SPARC: variants seen among roughly 807,000 people sequenced by gnomAD.
The protein encoded by SPARC is basement-membrane protein 40.
SPARC carries 23 observed loss-of-function variants against 37.7 expected under a neutral mutation model. That is an observed-to-expected ratio of 0.61 (90% confidence interval 0.44 to 0.87). SPARC has a LOEUF of 0.87. SPARC is among the 40% of genes least tolerant of loss of function. The pLI is 0.00. For missense variants in SPARC, 312 were observed against 389.0 expected, an observed-to-expected ratio of 0.80 and a Z score of 1.66; for synonymous variants, 155 against 150.8, an observed-to-expected ratio of 1.03 and a Z score of -0.20.
intron 1 of SPARC, among the ~76,000 whole-genome samples, chr5:151,684,429 T>TTTC (rs1011686153): frequency 6.6e-6 from 1 of 151,712 alleles, no homozygotes; most frequent in Non-Finnish European, 1.5e-5. Flanking sequence ...TTTTTTTTTT[T>TTTC]TTCACCCTTG....
chr5:151,681,684 C>A (rs1471712080), intron 1 of SPARC, among the ~76,000 whole-genome samples: 2 of 152,104 alleles, frequency 1.3e-5, no homozygotes, highest in African/African-American at 4.8e-5. Flanking sequence ...CTGAGGTCAG[C>A]AGTTCGAGAC....
intron 5 of SPARC, 127 bp downstream of exon 5, chr5:151,671,446 T>A: frequency 8.7e-7 from 1 of 1,153,458 alleles, no homozygotes; most frequent in Non-Finnish European, 1.2e-6. Context: ...TGGGACTAGG[T>A]CTAGCAAGGG....
intron 1 of SPARC, among the ~76,000 whole-genome samples, chr5:151,683,116 G>A (rs1581532984): frequency 1.3e-5 from 2 of 152,212 alleles, no homozygotes; most frequent in Admixed American, 6.5e-5. Flanking sequence ...AGGGAGGGAG[G>A]CATCAGGGTC....
At chr5:151,664,036 T>A (rs1259253621) in intron 9 of SPARC, 51 bp downstream of exon 9, 1 of 1,610,446 alleles carries the variant, frequency 6.2e-7, no homozygotes, top group Non-Finnish European at 8.5e-7. Context: ...CCCAGCACCC[T>A]GGGAGCAGTG....
chr5:151,677,992 CT>C (rs902357658), intron 1 of SPARC, among the ~76,000 whole-genome samples: 1 of 152,132 alleles, frequency 6.6e-6, no homozygotes, highest in African/African-American at 2.4e-5. Flanking sequence ...AAAAATCTCC[CT>C]TCTTGCTTCC....
chr5:151,668,678 G>C (rs1448041331), intron 6 of SPARC, among the ~76,000 whole-genome samples: 1 of 152,024 alleles, frequency 6.6e-6, no homozygotes, highest in Middle Eastern at 3.2e-3. Context: ...AAAAACCTTA[G>C]GAGTTGAAGT....
At position 151,671,264 on chromosome 5, in the gene SPARC, T is replaced by C. The variant is rs730196; in HGVS notation, c.330+309A>G. ...ATGAGGTTTGAAGTCAACCTTCAGT[T>C]TGGCCCCAGAACCCGTATTTTTGGA... On this transcript the variant is annotated intron_variant, in intron 5 of 9. Coordinates refer to ENST00000231061, the MANE Select transcript of SPARC (RefSeq NM_003118.4). Among the ~76,000 whole-genome samples, 3 of 152,178 alleles carry C rather than the reference T, an allele frequency of 2.0e-5. No individual in the cohort carries two copies. The East Asian group carries it at 5.8e-4, about 29-fold the overall frequency.
chr5:151,671,314 T>C (rs1054945545), intron 5 of SPARC, among the ~76,000 whole-genome samples: 1 of 152,184 alleles, frequency 6.6e-6, no homozygotes, highest in Non-Finnish European at 1.5e-5. Context: ...GATGCTGTTA[T>C]ACTCTTAGCT....
intron 1 of SPARC, among the ~76,000 whole-genome samples, chr5:151,677,803 C>T (rs933871785): frequency 2.0e-5 from 3 of 152,132 alleles, no homozygotes; most frequent in Non-Finnish European, 4.4e-5. Context: ...CACAAAACCT[C>T]ACCCCCTATT....
At chr5:151,672,358 T>C (rs531012678) in intron 4 of SPARC, among the ~76,000 whole-genome samples, 1 of 152,238 alleles carries the variant, frequency 6.6e-6, no homozygotes, top group African/African-American at 2.4e-5. Context: ...ATTTTGGGTG[T>C]TTTAATAATC....
Position 151,667,562 on chromosome 5 carries a change from G to T in SPARC, c.490C>A (p.Pro164Thr). ...TTGAGCCAGTCCCGCATGCGCAGGG[G>T]GAATTCGGTCAGCTCAGAGTCCAGG... ...PCLDSELTEF[P>T]LRMRDWLKNV... is the part of the protein sequence containing the mutation. Residue 164 changes from proline to threonine, a missense_variant, in exon 7 of 10, where the codon CCC becomes ACC. Coordinates refer to ENST00000231061, the MANE Select transcript of SPARC (RefSeq NM_003118.4). 2 of 1,614,178 alleles carry T rather than the reference G, an allele frequency of 1.2e-6. No individual in the cohort carries two copies. Among genetic ancestry groups the T allele is most frequent in the Non-Finnish European group, 8.5e-7 (1 of 1,180,016 alleles).
chr5:151,665,887 T>C (rs1489119994), intron 8 of SPARC, among the ~76,000 whole-genome samples: 1 of 152,204 alleles, frequency 6.6e-6, no homozygotes, highest in Non-Finnish European at 1.5e-5. Context: ...AACTGGGGGC[T>C]TGCAAAATAG....
At chr5:151,668,479 T>C (rs968460960) in intron 6 of SPARC, among the ~76,000 whole-genome samples, 3 of 152,076 alleles carry the variant, frequency 2.0e-5, no homozygotes, top group Admixed American at 6.5e-5. Flanking sequence ...ACTGGACTTA[T>C]TAGAGGTCAG....
intron 1 of SPARC, among the ~76,000 whole-genome samples, chr5:151,684,868 AC>A (rs1358442119): frequency 2.6e-5 from 4 of 152,146 alleles, no homozygotes; most frequent in Admixed American, 6.6e-5. Context: ...CAGAGCTAAA[AC>A]CCAGGTCTTC....
chr5:151,671,821 T>A, intron 4 of SPARC, 127 bp from the exon 5 acceptor site: 1 of 1,241,314 alleles, frequency 8.1e-7, no homozygotes. Flanking sequence ...TGGACAGCCC[T>A]GAGTCCTGCC....
rs1233650876 is a variant in SPARC, at chr5:151,676,232, A to G, written c.-13-31T>C. 4 of 1,473,420 alleles carry G rather than the reference A, an allele frequency of 2.7e-6. No homozygotes were observed. The African/African-American group carries it at 5.5e-5, about 20-fold the overall frequency. 91.3% of individuals were successfully genotyped at this position (1,473,420 alleles called of 1,614,324 possible). ...GGGAGGAGAGATTGAGAGTTCAGTG[A>G]GGGTGAGACTTCCTTATGGAGATTT... On this transcript the variant is annotated intron_variant, in intron 1 of 9. Transcript: ENST00000231061.
intron 1 of SPARC, chr5:151,679,743 C>G (rs986120543): frequency 2.0e-5 from 3 of 152,240 alleles, no homozygotes; most frequent in Non-Finnish European, 2.9e-5. Context: ...TGGAAAAGTA[C>G]AGCCAGCCCC....
At position 151,664,147 on chromosome 5, in the gene SPARC, G is replaced by A; in HGVS notation, c.823C>T (p.Leu275=). The part of the protein sequence containing the change: ...CTTRFFETCD[L]DNDKYIALDE... ...AGGGCGATGTACTTGTCATTGTCCAGGTCACAGGTCTCGAAAAAGCGGGTG... is the reference window on the plus strand; with the variant it reads ...AGGGCGATGTACTTGTCATTGTCCAAGTCACAGGTCTCGAAAAAGCGGGTG... Residue 275 remains leucine (L), a synonymous_variant, in exon 9 of 10, where the codon CTG becomes TTG. Coordinates refer to ENST00000231061, the MANE Select transcript of SPARC (RefSeq NM_003118.4). 6.2e-7 allele frequency: 1 copy of A among 1,614,220 alleles called. No homozygotes were observed.
At chr5:151,676,327 G>C in intron 1 of SPARC, 126 bp from the exon 2 acceptor site, 3 of 653,936 alleles carry the variant, frequency 4.6e-6, no homozygotes, top group Non-Finnish European at 5.3e-6. Flanking sequence ...AAAAACATGA[G>C]GAGGTTGGTT....
Sources: allele counts gnomAD v4.1 joint callset (sites outside exome capture counted in the v4.1 genomes callset), GRCh38; gene constraint gnomAD v4.1.1; transcripts MANE v1.5; gene names NCBI Gene and HGNC (gene_info 2026-07-23, HGNC 2026-07-21).